Variants in WWOX observed in about 807,000 individuals in gnomAD.
WWOX encodes WW domain-containing oxidoreductase.
WWOX carries 69 observed loss-of-function variants against 46.2 expected under a neutral mutation model. That is an observed-to-expected ratio of 1.49 (90% CI 1.23 to 1.82). The LOEUF (loss-of-function observed/expected upper bound fraction) is 1.82. Ranked by LOEUF, WWOX falls within the 40% of genes most tolerant of loss-of-function variation. WWOX has a pLI of 0.00. For synonymous variants in WWOX, 359 were observed against 202.6 expected (o/e 1.77, Z -6.56); for missense variants, 919 against 542.6 (o/e 1.69, Z -6.89).
chr16:79,181,774 G>C (rs1359588546), intron 8 of WWOX, among the ~76,000 whole-genome samples: 1 of 152,086 alleles, frequency 6.6e-6, no homozygotes, highest in Non-Finnish European at 1.5e-5. Flanking sequence ...AAATGGAGAG[G>C]TCTTTTAAAT....
intron 5 of WWOX, among the ~76,000 whole-genome samples, chr16:78,199,101 C>G (rs1261549505): frequency 6.6e-6 from 1 of 152,148 alleles, no homozygotes; most frequent in Non-Finnish European, 1.5e-5. Flanking sequence ...ATCACCAGGT[C>G]AGGAGATTGA....
chr16:78,729,390 A>G (rs950415012), intron 8 of WWOX, among the ~76,000 whole-genome samples: 10 of 152,028 alleles, frequency 6.6e-5, no homozygotes, highest in African/African-American at 2.2e-4. Flanking sequence ...ATATGCATGC[A>G]CATCCTAATT....
chr16:79,038,464 A>G (rs2047910165), intron 8 of WWOX, among the ~76,000 whole-genome samples: 1 of 152,198 alleles, frequency 6.6e-6, no homozygotes, highest in Non-Finnish European at 1.5e-5. Context: ...AAAGACTGGA[A>G]GGAAATTTAT....
At chr16:78,698,527 T>C (rs1011758585) in intron 8 of WWOX, among the ~76,000 whole-genome samples, 2 of 152,232 alleles carry the variant, frequency 1.3e-5, no homozygotes, top group Non-Finnish European at 2.9e-5. Context: ...TTTGAGGAGA[T>C]CTAGAATAAT....
intron 8 of WWOX, among the ~76,000 whole-genome samples, chr16:78,960,738 G>C (rs926321110): frequency 2.0e-5 from 3 of 152,290 alleles, no homozygotes; most frequent in South Asian, 2.1e-4. Context: ...CACAGCACTT[G>C]TTCCAAAAGG....
chr16:78,785,963 G>C (rs1023534112), intron 8 of WWOX, among the ~76,000 whole-genome samples: 1 of 152,154 alleles, frequency 6.6e-6, no homozygotes, highest in Non-Finnish European at 1.5e-5. Flanking sequence ...CTGGAGTGCA[G>C]TGGCGCGATC....
In WWOX at chr16:78,321,360, G is replaced by A. The variant is rs1156839882; in HGVS notation, c.517-65500G>A. Among the ~76,000 whole-genome samples, 251 of 40,282 alleles carry A rather than the reference G, an allele frequency of 6.2e-3. 11 individuals are homozygous for A. Among genetic ancestry groups the A allele is most frequent in the Middle Eastern group, 0.053 (4 of 76 alleles). 26.4% of individuals were successfully genotyped at this position (40,282 alleles called of 152,430 possible). A position where few individuals can be genotyped will look rare whatever the true frequency, so the allele number is the denominator to read the frequency against. ...TGCGTATATATATACGTATATATGC[G>A]TATATATATACGTATATATGCGTAT... On this transcript the variant is annotated intron_variant, in intron 5 of 8. Coordinates refer to ENST00000566780, the MANE Select transcript of WWOX (RefSeq NM_016373.4).
chr16:78,577,033 G>A (rs1001579576), intron 8 of WWOX, among the ~76,000 whole-genome samples: 8 of 152,126 alleles, frequency 5.3e-5, no homozygotes, highest in Non-Finnish European at 1.2e-4. Flanking sequence ...TAGTTTATAG[G>A]TAGCCCCATT....
At chr16:78,379,307 A>G (rs1462923969) in intron 5 of WWOX, among the ~76,000 whole-genome samples, 1 of 152,176 alleles carries the variant, frequency 6.6e-6, no homozygotes, top group Non-Finnish European at 1.5e-5. Context: ...TTGAAGTGAG[A>G]TCACAAAATA....
intron 8 of WWOX, among the ~76,000 whole-genome samples, chr16:78,720,417 C>G (rs1298539108): frequency 6.6e-6 from 1 of 150,774 alleles, no homozygotes; most frequent in African/African-American, 2.5e-5. Context: ...AAACTAAAAA[C>G]TTATACATCA....
At chr16:78,369,395 T>A (rs953777309) in intron 5 of WWOX, among the ~76,000 whole-genome samples, 1 of 152,166 alleles carries the variant, frequency 6.6e-6, no homozygotes, top group African/African-American at 2.4e-5. Context: ...CTTTCTTGAC[T>A]AAGTTAGTGG....
At chr16:78,568,869 A>T (rs1597281714) in intron 8 of WWOX, among the ~76,000 whole-genome samples, 1 of 152,340 alleles carries the variant, frequency 6.6e-6, no homozygotes, top group South Asian at 2.1e-4. Flanking sequence ...TCTGTCTTAC[A>T]CGTTTTACGG....
chr16:79,105,340 G>A (rs145796076), intron 8 of WWOX, among the ~76,000 whole-genome samples: 6 of 152,082 alleles, frequency 3.9e-5, no homozygotes, highest in Non-Finnish European at 5.9e-5. Flanking sequence ...AAAGCAGAAC[G>A]GTCATCATCT....
intron 8 of WWOX, among the ~76,000 whole-genome samples, chr16:78,970,762 G>C (rs1395948169): frequency 2.0e-5 from 3 of 152,104 alleles, no homozygotes; most frequent in Admixed American, 1.3e-4. Flanking sequence ...TTCCTTATTA[G>C]TCGTGATTCT....
At chr16:78,496,629 G>C (rs879271190) in intron 8 of WWOX, among the ~76,000 whole-genome samples, 1 of 152,204 alleles carries the variant, frequency 6.6e-6, no homozygotes, top group Non-Finnish European at 1.5e-5. Flanking sequence ...AGATCTTGAA[G>C]GGAGGGATGC....
chr16:78,845,718 C>A lies in WWOX; in HGVS notation c.1057-365890C>A, dbSNP rs545590933. 4.6e-5 allele frequency among the ~76,000 whole-genome samples: 7 copies of A among 152,250 alleles called. No individual in the cohort carries two copies. In the East Asian group the frequency reaches 1.4e-3, roughly 29 times the overall value. ...CCGGAAGAATGGCCTTCCAGACACT[C>A]ATTTTAAGTGACAAAATGGTTGAAG... On this transcript the variant is annotated intron_variant, in intron 8 of 8. Transcript: ENST00000566780.
chr16:78,977,022 C>A (rs1216244589), intron 8 of WWOX, among the ~76,000 whole-genome samples: 1 of 152,160 alleles, frequency 6.6e-6, no homozygotes, highest in Non-Finnish European at 1.5e-5. Context: ...GAGCTTTCCC[C>A]TGGCCTGGGA....
At chr16:78,420,895 A>G (rs1358305649) in intron 6 of WWOX, among the ~76,000 whole-genome samples, 2 of 152,134 alleles carry the variant, frequency 1.3e-5, no homozygotes, top group Admixed American at 6.6e-5. Flanking sequence ...ATATCTGGAA[A>G]TCTTTTCGTG....
intron 8 of WWOX, among the ~76,000 whole-genome samples, chr16:78,615,896 G>T (rs558417628): frequency 3.3e-5 from 5 of 151,792 alleles, no homozygotes; most frequent in African/African-American, 1.2e-4. Context: ...GACTACAGGC[G>T]CCCGCCACCA....
Sources: gnomAD v4.1 joint callset for allele counts (sites outside exome capture counted in the v4.1 genomes callset) on GRCh38, gnomAD v4.1.1 for gene constraint, MANE v1.5 for transcripts, NCBI Gene and HGNC (gene_info 2026-07-23, HGNC 2026-07-21) for gene names.